Variants in MICU3 observed in about 807,000 individuals in gnomAD.
The protein encoded by MICU3 is calcium uptake protein 3, mitochondrial.
A neutral mutation model predicts 66.5 loss-of-function variants in MICU3; 62 were observed. That is an observed-to-expected ratio of 0.93 (90% CI 0.76 to 1.15). The LOEUF is 1.15. Ranked by LOEUF, MICU3 falls within the 50% of genes most tolerant of loss-of-function variation. The pLI is 0.00. For missense variants in MICU3, 779 were observed against 664.4 expected (o/e 1.17, Z -1.90); for synonymous variants, 308 against 240.7 (o/e 1.28, Z -2.59).
rs1455820748 is a variant in MICU3 at position 17,027,489 on chromosome 8, G to C, written c.210G>C (p.Ala70=). The change falls in exon 1 of 15, where the codon GCG becomes GCC. Residue 70 remains alanine, a synonymous_variant. Transcript: ENST00000318063. ...RRRRWGELSV[A]AAAGGGLVGL... ...GGCGCTGGGGGGAGCTGAGCGTGGC[G>C]GCGGCGGCCGGCGGGGGGCTGGTCG... 4 of 1,282,388 alleles carry C rather than the reference G, an allele frequency of 3.1e-6. No homozygotes were observed. The highest frequency in any genetic ancestry group is 3.9e-6 in the Non-Finnish European group (4 of 1,019,238). 79.4% of individuals were successfully genotyped at this position (1,282,388 alleles called of 1,614,324 possible).
At chr8:17,135,610 A>T in the MICU3 span, among the ~76,000 whole-genome samples, 3,808 of 152,144 alleles carry the variant, frequency 0.025, 79 homozygotes, top group Non-Finnish European at 0.038. Flanking sequence ...TATTGCTTCT[A>T]TTTCTATCTT....
At chr8:17,083,715 T>C (rs557440739) in intron 5 of MICU3, among the ~76,000 whole-genome samples, 48 of 152,252 alleles carry the variant, frequency 3.2e-4, no homozygotes, top group African/African-American at 1.0e-3. Flanking sequence ...GTTGATCCAT[T>C]CTGCAAAGCC....
At chr8:17,093,736 T>C (rs1361312522) in intron 8 of MICU3, among the ~76,000 whole-genome samples, 2 of 151,980 alleles carry the variant, frequency 1.3e-5, no homozygotes, top group African/African-American at 4.8e-5. Flanking sequence ...TCTCTAGAAA[T>C]GTTTTTTGCC....
intron 1 of MICU3, among the ~76,000 whole-genome samples, chr8:17,051,533 C>T (rs1448166529): frequency 6.6e-6 from 1 of 152,138 alleles, no homozygotes; most frequent in African/African-American, 2.4e-5. Context: ...CAAGGATTGG[C>T]CCTAGGGCAG....
chr8:17,054,265 A>G (rs1212732730), intron 1 of MICU3, among the ~76,000 whole-genome samples: 1 of 152,206 alleles, frequency 6.6e-6, no homozygotes, highest in Admixed American at 6.5e-5. Context: ...GTAATATTTG[A>G]CAAAATCATA....
At chr8:17,085,903 G>A (rs1799420329) in intron 6 of MICU3, among the ~76,000 whole-genome samples, 1 of 151,992 alleles carries the variant, frequency 6.6e-6, no homozygotes, top group Non-Finnish European at 1.5e-5. Context: ...CACATACCCT[G>A]CTTCCAGAAT....
chr8:17,084,206 C>G (rs1450207373), intron 5 of MICU3, among the ~76,000 whole-genome samples: 1 of 152,064 alleles, frequency 6.6e-6, no homozygotes, highest in African/African-American at 2.4e-5. Context: ...TCCCTCCAAA[C>G]AATGCTTGTA....
At chr8:17,042,655 A>AT (rs1186584228) in intron 1 of MICU3, among the ~76,000 whole-genome samples, 2 of 152,074 alleles carry the variant, frequency 1.3e-5, no homozygotes, top group Non-Finnish European at 2.9e-5. Flanking sequence ...TTAAAGAGTT[A>AT]TTTTTCTAAA....
At chr8:17,050,056 A>G (rs763758832) in intron 1 of MICU3, among the ~76,000 whole-genome samples, 28 of 152,166 alleles carry the variant, frequency 1.8e-4, no homozygotes, top group African/African-American at 5.5e-4. Flanking sequence ...GCTGCTGGAA[A>G]TTTTGATTGT....
chr8:17,061,107 G>C (rs954398412), intron 1 of MICU3, among the ~76,000 whole-genome samples: 5 of 152,102 alleles, frequency 3.3e-5, no homozygotes, highest in African/African-American at 1.2e-4. Context: ...CAATCACAGG[G>C]CATTACTATA....
Position 17,114,088 on chromosome 8 carries a change from T to C in MICU3, c.1258-5T>C, listed in dbSNP as rs1198622636. 3.1e-6 allele frequency: 5 copies of C among 1,589,820 alleles called. No homozygotes were observed. In the African/African-American group the frequency reaches 6.7e-5, roughly 21 times the overall value. ...AATGTATTTTCATTTCCTTTCCCAA[T>C]ATAGGGCATCACATTTGATGAATTC... On this transcript the variant is annotated splice_polypyrimidine_tract_variant and splice_region_variant and intron_variant, in intron 11 of 14. Coordinates refer to ENST00000318063, the MANE Select transcript of MICU3 (RefSeq NM_181723.3).
chr8:17,093,301 A>C (rs1373559763), intron 8 of MICU3, among the ~76,000 whole-genome samples: 1 of 152,034 alleles, frequency 6.6e-6, no homozygotes, highest in Non-Finnish European at 1.5e-5. Context: ...TTTTTTTAGA[A>C]GATTATTCTA....
chr8:17,128,077 G>A, the MICU3 span, among the ~76,000 whole-genome samples: 2 of 152,204 alleles, frequency 1.3e-5, no homozygotes, highest in South Asian at 2.1e-4. Flanking sequence ...GGGCTTTATG[G>A]AGAGGAGAGA....
chr8:17,074,630 TGTG>T (rs1820109943), intron 3 of MICU3, among the ~76,000 whole-genome samples: 1 of 148,938 alleles, frequency 6.7e-6, no homozygotes, highest in Non-Finnish European at 1.5e-5. Flanking sequence ...TGTGTGTGTG[TGTG>T]TTTAACTTGC....
chr8:17,111,781 C>T (rs1802225980), intron 11 of MICU3, among the ~76,000 whole-genome samples: 1 of 152,106 alleles, frequency 6.6e-6, no homozygotes, highest in Non-Finnish European at 1.5e-5. Context: ...ACAATTCCTT[C>T]CCCAATAAAT....
intron 1 of MICU3, among the ~76,000 whole-genome samples, chr8:17,042,931 ATTTTTTTT>A (rs996846253): frequency 6.1e-5 from 5 of 82,152 alleles, no homozygotes; most frequent in Non-Finnish European, 8.8e-5. Flanking sequence ...ATTCAAAGTG[ATTTTTTTT>A]TTTTTTTTTT....
rs542788400 is a variant in MICU3, at chr8:17,064,406, C to A, written c.535+169C>A. The stretch of plus-strand genomic sequence containing the variant: ...GATATTTCTTACAAACTCTTACTCA[C>A]ATCTCTTCTCTTTTCAGAAACTTTC... On this transcript the variant is annotated intron_variant, in intron 2 of 14. Transcript: ENST00000318063. Among the ~76,000 whole-genome samples, 5 of 152,264 alleles carry A rather than the reference C, an allele frequency of 3.3e-5. No individual in the cohort carries two copies. The East Asian group carries it at 7.7e-4, about 23-fold the overall frequency.
chr8:17,119,198 C>G (rs113754856), intron 14 of MICU3, among the ~76,000 whole-genome samples: 2 of 152,132 alleles, frequency 1.3e-5, no homozygotes, highest in African/African-American at 4.8e-5. Context: ...TAACAAGTAA[C>G]TTGCATAGGA....
At chr8:17,100,630 T>C (rs1190367146) in intron 9 of MICU3, among the ~76,000 whole-genome samples, 4 of 151,634 alleles carry the variant, frequency 2.6e-5, no homozygotes, top group African/African-American at 9.7e-5. Flanking sequence ...AATATGTAAT[T>C]ATTGAGATAA....
Sources: gnomAD v4.1 joint callset for allele counts (sites outside exome capture counted in the v4.1 genomes callset) on GRCh38, gnomAD v4.1.1 for gene constraint, MANE v1.5 for transcripts, NCBI Gene and HGNC (gene_info 2026-07-23, HGNC 2026-07-21) for gene names.